NRXN3: variants seen among roughly 807,000 people sequenced by gnomAD.
NRXN3 encodes the protein neurexin III.
In NRXN3, 32 loss-of-function variants were observed where a neutral mutation model predicts 137.6. That is an observed-to-expected ratio of 0.23 (90% CI 0.18 to 0.31). The LOEUF (loss-of-function observed/expected upper bound fraction) is 0.31. NRXN3 is among the 10% of genes least tolerant of loss of function. NRXN3 has a pLI of 1.00. For synonymous variants in NRXN3, 798 were observed against 784.5 expected (o/e 1.02, Z -0.29); for missense variants, 1,574 against 2,062.5 (o/e 0.76, Z 4.59).
intron 15 of NRXN3, among the ~76,000 whole-genome samples, chr14:79,339,169 T>G (rs2153356078): frequency 6.6e-6 from 1 of 152,264 alleles, no homozygotes; most frequent in Non-Finnish European, 1.5e-5. Flanking sequence ...ACAGCTTTTC[T>G]CTGGCCAGAT....
chr14:78,205,838 T>C (rs569560984), intron 1 of NRXN3, among the ~76,000 whole-genome samples: 1 of 152,236 alleles, frequency 6.6e-6, no homozygotes, highest in Admixed American at 6.5e-5. Context: ...CAAGATCACT[T>C]TGGCTCCAGT....
chr14:78,795,872 G>A (rs1433417687), intron 8 of NRXN3, among the ~76,000 whole-genome samples: 1 of 152,148 alleles, frequency 6.6e-6, no homozygotes, highest in African/African-American at 2.4e-5. Context: ...ATTTATTCAA[G>A]ACATCTATTA....
chr14:79,829,038 C>T (rs1461116643), intron 20 of NRXN3, among the ~76,000 whole-genome samples: 2 of 152,132 alleles, frequency 1.3e-5, no homozygotes, highest in African/African-American at 2.4e-5. Flanking sequence ...TCACCCTCAC[C>T]ATTATAATTA....
Position 79,448,159 on chromosome 14 carries a change from A to G in NRXN3, c.3263-19062A>G, listed in dbSNP as rs139098892. On this transcript the variant is annotated intron_variant, in intron 15 of 20. Transcript: ENST00000335750. ...TGGTTTCCTTGCTGTTCCTCACACA[A>G]GCCAAGCACCCTTTAACTTCCTTTT... Among the ~76,000 whole-genome samples the G allele has an allele frequency of 3.3e-5, 5 of 152,228 alleles. No individual in the cohort carries two copies. In the East Asian group the frequency reaches 9.6e-4, roughly 29 times the overall value.
intron 15 of NRXN3, among the ~76,000 whole-genome samples, chr14:79,216,522 A>G (rs1750634467): frequency 1.3e-5 from 2 of 152,216 alleles, no homozygotes; most frequent in South Asian, 4.1e-4. Context: ...TTTGAAAAAT[A>G]TACTTCTCTA....
intron 4 of NRXN3, among the ~76,000 whole-genome samples, chr14:78,564,192 G>C (rs2096815244): frequency 6.6e-6 from 1 of 152,198 alleles, no homozygotes; most frequent in Admixed American, 6.5e-5. Flanking sequence ...ATAATGGAGA[G>C]AGGAGGTGAA....
intron 10 of NRXN3, among the ~76,000 whole-genome samples, chr14:78,821,488 G>A (rs994799449): frequency 6.6e-6 from 1 of 152,052 alleles, no homozygotes; most frequent in Non-Finnish European, 1.5e-5. Flanking sequence ...GGACTGAAGG[G>A]GTAAGAGCAA....
chr14:79,824,026 C>T (rs927244155), intron 20 of NRXN3: 14 of 377,772 alleles, frequency 3.7e-5, no homozygotes, highest in Middle Eastern at 4.3e-4. Context: ...AGATGGAACA[C>T]GAAGTGGCTT....
At chr14:78,601,470 T>C in intron 4 of NRXN3, among the ~76,000 whole-genome samples, 1 of 149,956 alleles carries the variant, frequency 6.7e-6, no homozygotes. Context: ...TTTTTTTTTT[T>C]GAGATGGAAT....
At chr14:79,657,794 A>G (rs1354453128) in intron 16 of NRXN3, among the ~76,000 whole-genome samples, 1 of 152,230 alleles carries the variant, frequency 6.6e-6, no homozygotes, top group African/African-American at 2.4e-5. Flanking sequence ...AGATGCATTT[A>G]TAAAGCATAG....
intron 10 of NRXN3, among the ~76,000 whole-genome samples, chr14:78,859,591 ATTCCC>A (rs1378969093): frequency 9.2e-5 from 14 of 152,174 alleles, no homozygotes; most frequent in African/African-American, 2.6e-4. Flanking sequence ...CTTTGTAGCA[ATTCCC>A]TGTTTGCCAC....
chr14:79,254,648 A>C (rs971027388), intron 15 of NRXN3, among the ~76,000 whole-genome samples: 2 of 152,174 alleles, frequency 1.3e-5, no homozygotes, highest in African/African-American at 2.4e-5. Context: ...AAAGTTCATT[A>C]TTGTGCTGGC....
At chr14:79,503,931 G>T (rs1324740405) in intron 16 of NRXN3, among the ~76,000 whole-genome samples, 1 of 152,124 alleles carries the variant, frequency 6.6e-6, no homozygotes, top group Non-Finnish European at 1.5e-5. Context: ...CTTCTCACTT[G>T]GCATGTAATT....
intron 15 of NRXN3, among the ~76,000 whole-genome samples, chr14:79,303,342 G>T (rs568624884): frequency 6.6e-6 from 1 of 152,156 alleles, no homozygotes; most frequent in East Asian, 1.9e-4. Flanking sequence ...CAGACTTTTT[G>T]AATCAGATAG....
intron 1 of NRXN3, among the ~76,000 whole-genome samples, chr14:78,172,259 G>T (rs2058793725): frequency 6.6e-6 from 1 of 152,114 alleles, no homozygotes. Flanking sequence ...TCTATCTGGG[G>T]GCACCTGGAG....
chr14:78,179,727 T>C (rs1364570777), intron 1 of NRXN3, among the ~76,000 whole-genome samples: 2 of 152,048 alleles, frequency 1.3e-5, no homozygotes, highest in Admixed American at 1.3e-4. Flanking sequence ...GGAACAATTA[T>C]TCTCCACCTT....
At chr14:78,642,240 G>A (rs2097642737) in intron 4 of NRXN3, among the ~76,000 whole-genome samples, 1 of 152,172 alleles carries the variant, frequency 6.6e-6, no homozygotes, top group African/African-American at 2.4e-5. Context: ...CAAACTAACT[G>A]TGATGTCTCA....
At chr14:79,528,501 G>C (rs1285811573) in intron 16 of NRXN3, among the ~76,000 whole-genome samples, 1 of 152,120 alleles carries the variant, frequency 6.6e-6, no homozygotes, top group African/African-American at 2.4e-5. Context: ...ATCTCTATGT[G>C]AGTATGTTTG....
intron 15 of NRXN3, among the ~76,000 whole-genome samples, chr14:79,120,280 G>T (rs916230880): frequency 2.0e-5 from 3 of 152,108 alleles, no homozygotes; most frequent in African/African-American, 7.2e-5. Context: ...CAAAATTCCA[G>T]AGAACCTTGT....
Sources: allele counts gnomAD v4.1 joint callset (sites outside exome capture counted in the v4.1 genomes callset), GRCh38; gene constraint gnomAD v4.1.1; transcripts MANE v1.5; gene names NCBI Gene and HGNC (gene_info 2026-07-23, HGNC 2026-07-21).